DCHS2: variants seen among roughly 807,000 people sequenced by gnomAD.
The protein encoded by DCHS2 is dachsous cadherin-related 2.
DCHS2 carries 142 observed loss-of-function variants against 182.4 expected under a neutral mutation model. The ratio of observed to expected loss-of-function variants is 0.78; its 90% CI spans 0.68 to 0.89. The LOEUF (loss-of-function observed/expected upper bound fraction) is 0.89, where lower values mean the gene tolerates loss of function less well. Among genes scored for constraint, DCHS2 ranks in the 40% least tolerant of loss-of-function variants. The pLI is 0.00. For synonymous variants in DCHS2, 1,740 were observed against 1,663.3 expected (o/e 1.05, Z -1.12); for missense variants, 4,319 against 4,198.6 (o/e 1.03, Z -0.79).
chr4:154,401,952 C>A (rs551742367), intron 1 of DCHS2, among the ~76,000 whole-genome samples: 51 of 152,202 alleles, frequency 3.4e-4, no homozygotes, highest in Non-Finnish European at 5.6e-4. Flanking sequence ...TGAGATCATG[C>A]AACTTCACTC....
chr4:154,367,033 A>G (rs6837762), intron 2 of DCHS2, among the ~76,000 whole-genome samples: 2,837 of 152,250 alleles, frequency 0.019, 85 homozygotes, highest in African/African-American at 0.062. Flanking sequence ...ACCAGAAAGG[A>G]AAGAATAACA....
At chr4:154,322,989 CT>C (rs1426243222) in intron 7 of DCHS2, 3 of 483,068 alleles carry the variant, frequency 6.2e-6, no homozygotes, top group Admixed American at 7.2e-5. Context: ...CATAAATACT[CT>C]TTATTTTTCT....
At chr4:154,476,548 G>T (rs191607905) in intron 1 of DCHS2, among the ~76,000 whole-genome samples, 4 of 152,336 alleles carry the variant, frequency 2.6e-5, no homozygotes, top group Admixed American at 2.0e-4. Flanking sequence ...TGCAGAATGT[G>T]CCCAGTTCTT....
intron 3 of DCHS2, among the ~76,000 whole-genome samples, chr4:154,337,574 C>T (rs958742726): frequency 7.9e-5 from 12 of 152,112 alleles, no homozygotes; most frequent in Non-Finnish European, 1.8e-4. Context: ...TCTCATAGCT[C>T]TCTGTGTCAT....
intron 13 of DCHS2, among the ~76,000 whole-genome samples, chr4:154,280,796 T>C (rs1246880018): frequency 1.3e-5 from 2 of 149,588 alleles, no homozygotes; most frequent in Non-Finnish European, 3.0e-5. Context: ...GCATTTATGC[T>C]AAGATAAGGA....
chr4:154,313,860 C>T (rs545374572), intron 10 of DCHS2, among the ~76,000 whole-genome samples: 7 of 152,012 alleles, frequency 4.6e-5, no homozygotes, highest in Non-Finnish European at 1.0e-4. Context: ...TAATTTTGTA[C>T]CTAAATTCTC....
chr4:154,287,315 C>T (rs1602305), intron 13 of DCHS2, among the ~76,000 whole-genome samples: 45,634 of 151,968 alleles, frequency 0.3, 8,345 homozygotes, highest in Non-Finnish European at 0.41. Flanking sequence ...AATATTATAA[C>T]ACTGTAACTG....
At chr4:154,343,670 C>A (rs1462592320) in intron 3 of DCHS2, 9 of 1,422,178 alleles carry the variant, frequency 6.3e-6, no homozygotes, top group African/African-American at 5.7e-5. Flanking sequence ...GAGTTAGGAC[C>A]TTGCTCTGGA....
chr4:154,295,902 A>G (rs1013159510), intron 13 of DCHS2, among the ~76,000 whole-genome samples: 2 of 152,340 alleles, frequency 1.3e-5, no homozygotes, highest in South Asian at 2.1e-4. Context: ...AAGGGCTGGA[A>G]GAAGGGTTTT....
At chr4:154,421,337 A>T (rs1414095896) in intron 1 of DCHS2, among the ~76,000 whole-genome samples, 1 of 152,134 alleles carries the variant, frequency 6.6e-6, no homozygotes, top group African/African-American at 2.4e-5. Context: ...TTGCAGTCTG[A>T]AAGTTTCCTC....
In DCHS2 at chr4:154,384,363, C is replaced by G. The variant is rs199618268; in HGVS notation, c.2053-6919G>C. ...CCTCCTCATGCACCACCTGACTGACCTCACCTCAGTTTCCTTCACTGGTTT... is the reference window on the plus strand; with the variant it reads ...CCTCCTCATGCACCACCTGACTGACGTCACCTCAGTTTCCTTCACTGGTTT... On this transcript the variant is annotated intron_variant, in intron 1 of 19. Transcript: ENST00000357232. 7 of 1,612,258 alleles carry G rather than the reference C, an allele frequency of 4.3e-6. No homozygotes were observed. In the East Asian group the frequency reaches 1.1e-4, roughly 26 times the overall value.
chr4:154,389,223 A>G (rs1731558641), intron 1 of DCHS2, among the ~76,000 whole-genome samples: 1 of 152,120 alleles, frequency 6.6e-6, no homozygotes, highest in African/African-American at 2.4e-5. Context: ...CTCTTTTTTC[A>G]ACCATTTAAA....
At chr4:154,339,575 G>A (rs1728968069) in intron 3 of DCHS2, among the ~76,000 whole-genome samples, 2 of 151,500 alleles carry the variant, frequency 1.3e-5, no homozygotes, top group South Asian at 2.1e-4. Flanking sequence ...TCAGCCTCCT[G>A]AGTAGCTAGG....
intron 1 of DCHS2, among the ~76,000 whole-genome samples, chr4:154,403,046 T>C (rs1360452138): frequency 6.6e-6 from 1 of 152,236 alleles, no homozygotes; most frequent in East Asian, 1.9e-4. Flanking sequence ...TTTGCTAAAT[T>C]CACTTATTTG....
intron 13 of DCHS2, among the ~76,000 whole-genome samples, chr4:154,270,608 T>C (rs1733543395): frequency 6.6e-6 from 1 of 151,862 alleles, no homozygotes; most frequent in Non-Finnish European, 1.5e-5. Flanking sequence ...GAGTAAAATA[T>C]GATTTGCTTT....
At chr4:154,422,328 C>T (rs997992488) in intron 1 of DCHS2, among the ~76,000 whole-genome samples, 1 of 152,178 alleles carries the variant, frequency 6.6e-6, no homozygotes, top group African/African-American at 2.4e-5. Context: ...ACTTGAGTGA[C>T]CACAGCTCCC....
At chr4:154,327,941 A>T (rs868718947) in intron 7 of DCHS2, 152 bp downstream of exon 7, 8 of 448,554 alleles carry the variant, frequency 1.8e-5, no homozygotes, top group South Asian at 1.4e-4. Context: ...GACAATAGCA[A>T]ATGTATTTTG....
chr4:154,469,217 C>A (rs1288089155), intron 1 of DCHS2, among the ~76,000 whole-genome samples: 3 of 151,828 alleles, frequency 2.0e-5, no homozygotes, highest in African/African-American at 7.3e-5. Flanking sequence ...GGAGTGCAAA[C>A]ATCTTCTCAA....
chr4:154,283,729 G>A (rs1036673210), intron 13 of DCHS2, among the ~76,000 whole-genome samples: 3 of 152,148 alleles, frequency 2.0e-5, no homozygotes, highest in Non-Finnish European at 4.4e-5. Flanking sequence ...TAAGACATGA[G>A]TTTGAGAATT....
Sources: gnomAD v4.1 joint callset for allele counts (sites outside exome capture counted in the v4.1 genomes callset) on GRCh38, gnomAD v4.1.1 for gene constraint, MANE v1.5 for transcripts, NCBI Gene and HGNC (gene_info 2026-07-23, HGNC 2026-07-21) for gene names.